The following PTPRD variants were observed in gnomAD, a reference collection of about 807,000 sequenced individuals.
PTPRD encodes protein tyrosine phosphatase receptor type D.
A neutral mutation model predicts 214.5 loss-of-function variants in PTPRD; 34 were observed. The ratio of observed to expected loss-of-function variants is 0.16; its 90% CI spans 0.12 to 0.21. PTPRD has a LOEUF of 0.21. PTPRD is among the 10% of genes least tolerant of loss of function. The probability of loss-of-function intolerance (pLI) is 1.00; values close to 1 mark genes in which losing one functional copy is unlikely to be tolerated. For missense variants in PTPRD, 2,545 were observed against 2,398.7 expected (o/e 1.06, Z -1.27); for synonymous variants, 1,128 against 845.7 (o/e 1.33, Z -5.79).
intron 3 of PTPRD, among the ~76,000 whole-genome samples, chr9:10,266,739 T>C (rs2094087889): frequency 6.6e-6 from 1 of 151,864 alleles, no homozygotes; most frequent in South Asian, 2.1e-4. Context: ...TGCAGGCTAA[T>C]TTTAGAAAAA....
At chr9:8,339,580 A>G (rs1242734327) in intron 42 of PTPRD, among the ~76,000 whole-genome samples, 1 of 152,090 alleles carries the variant, frequency 6.6e-6, no homozygotes, top group African/African-American at 2.4e-5. Context: ...TCATTGGCCA[A>G]ATCAGAGTAA....
chr9:8,321,487 G>GTGTGTGTGTATATATA (rs1168847469), intron 44 of PTPRD, among the ~76,000 whole-genome samples: 1 of 44,540 alleles, frequency 2.2e-5, no homozygotes, highest in Non-Finnish European at 3.9e-5. Flanking sequence ...GTGTGTGTGT[G>GTGTGTGTGTATATATA]TATATATATA....
At chr9:8,632,121 T>TTGTGTGTG (rs146691738) in intron 14 of PTPRD, among the ~76,000 whole-genome samples, 2,893 of 144,612 alleles carry the variant, frequency 0.02, 77 homozygotes, top group East Asian at 0.13. Context: ...AATTGCTTCT[T>TTGTGTGTG]TGTGTGTGTG....
chr9:10,610,479 C>A (rs1314065577), intron 2 of PTPRD, among the ~76,000 whole-genome samples: 1 of 151,476 alleles, frequency 6.6e-6, no homozygotes, highest in Non-Finnish European at 1.5e-5. Context: ...TACTTAGGTA[C>A]AATCTTCCCC....
At chr9:10,324,177 G>A (rs377615056) in intron 3 of PTPRD, among the ~76,000 whole-genome samples, 5 of 152,030 alleles carry the variant, frequency 3.3e-5, no homozygotes, top group African/African-American at 1.2e-4. Context: ...CTAAAGAGAG[G>A]GACTATAGCT....
chr9:10,032,414 C>A (rs1038429639), intron 4 of PTPRD, among the ~76,000 whole-genome samples: 3 of 152,124 alleles, frequency 2.0e-5, no homozygotes, highest in African/African-American at 4.8e-5. Flanking sequence ...CTATGGGACA[C>A]AAGTTATTCT....
chr9:9,101,768 A>G (rs914846719), intron 10 of PTPRD, among the ~76,000 whole-genome samples: 1 of 152,322 alleles, frequency 6.6e-6, no homozygotes, highest in South Asian at 2.1e-4. Context: ...CATGTATAGT[A>G]ATTGAGAATA....
At chr9:10,259,557 G>A (rs752249138) in intron 3 of PTPRD, among the ~76,000 whole-genome samples, 9 of 152,150 alleles carry the variant, frequency 5.9e-5, no homozygotes, top group Non-Finnish European at 1.2e-4. Flanking sequence ...AGTTCCTGAC[G>A]CAATATGAAC....
intron 8 of PTPRD, among the ~76,000 whole-genome samples, chr9:9,519,605 A>G (rs1186982237): frequency 6.6e-6 from 1 of 152,066 alleles, no homozygotes; most frequent in African/African-American, 2.4e-5. Flanking sequence ...CAACTCCTAG[A>G]ACACAAACCA....
At chr9:8,628,738 C>T (rs1380406591) in intron 14 of PTPRD, among the ~76,000 whole-genome samples, 12 of 151,752 alleles carry the variant, frequency 7.9e-5, no homozygotes, top group Admixed American at 7.2e-4. Flanking sequence ...GGGTACTTCA[C>T]GTATTATCTT....
chr9:8,823,581 G>T (rs2097115948), intron 11 of PTPRD, among the ~76,000 whole-genome samples: 1 of 152,076 alleles, frequency 6.6e-6, no homozygotes, highest in African/African-American at 2.4e-5. Context: ...GGCCAGGGAG[G>T]TCGAGACTGC....
At chr9:10,482,276 C>G (rs1189526976) in intron 2 of PTPRD, among the ~76,000 whole-genome samples, 1 of 151,872 alleles carries the variant, frequency 6.6e-6, no homozygotes, top group East Asian at 1.9e-4. Flanking sequence ...GAGGCTGAGG[C>G]AGGAGAATGG....
chr9:9,943,820 A>G (rs558065145), intron 4 of PTPRD, among the ~76,000 whole-genome samples: 2 of 152,234 alleles, frequency 1.3e-5, no homozygotes, highest in African/African-American at 4.8e-5. Context: ...TTTCAGGATT[A>G]AAGGATTCTT....
intron 8 of PTPRD, among the ~76,000 whole-genome samples, chr9:9,433,479 TC>T (rs1002590043): frequency 1.3e-5 from 2 of 152,218 alleles, no homozygotes; most frequent in Non-Finnish European, 2.9e-5. Flanking sequence ...AGGATTCTTC[TC>T]TTTTTATTTT....
At chr9:9,793,560 A>G (rs1337848650) in intron 5 of PTPRD, among the ~76,000 whole-genome samples, 2 of 152,150 alleles carry the variant, frequency 1.3e-5, no homozygotes, top group Non-Finnish European at 2.9e-5. Context: ...GCTGTTAAGA[A>G]AGATTATCTC....
intron 5 of PTPRD, among the ~76,000 whole-genome samples, chr9:9,789,813 A>G (rs1203072854): frequency 6.6e-6 from 1 of 151,232 alleles, no homozygotes; most frequent in African/African-American, 2.4e-5. Flanking sequence ...AAAAAAAAAA[A>G]AAAAAAAAAA....
intron 27 of PTPRD, 53 bp from the exon 28 acceptor site, chr9:8,486,402 T>A: frequency 6.8e-7 from 1 of 1,462,218 alleles, no homozygotes; most frequent in South Asian, 1.1e-5. Flanking sequence ...CGTTCACATT[T>A]CAGTCATTGC....
intron 2 of PTPRD, among the ~76,000 whole-genome samples, chr9:10,376,199 A>C (rs1383215381): frequency 2.0e-5 from 3 of 151,898 alleles, no homozygotes. Context: ...AAAATGAATG[A>C]AGTCATTTCT....
rs1589408245 is a variant in PTPRD, at chr9:8,395,159, GCAAA to G, written c.4211-5756_4211-5753del. ...TGTGTCAAAAAGAAATTGCTTTTTGGCAAACAAGTTTGTTCTTTGTTGTAAGACA... is the reference window on the plus strand; with the variant it reads ...TGTGTCAAAAAGAAATTGCTTTTTGGCAAGTTTGTTCTTTGTTGTAAGACA... On this transcript the variant is annotated intron_variant, in intron 36 of 45. Coordinates refer to ENST00000381196, the MANE Select transcript of PTPRD (RefSeq NM_002839.4). Among the ~76,000 whole-genome samples the G allele has an allele frequency of 4.6e-5, 7 of 152,162 alleles. No individual in the cohort carries two copies. The East Asian group carries it at 1.4e-3, about 29-fold the overall frequency.
Sources: allele counts gnomAD v4.1 joint callset (sites outside exome capture counted in the v4.1 genomes callset), GRCh38; gene constraint gnomAD v4.1.1; transcripts MANE v1.5; gene names NCBI Gene and HGNC (gene_info 2026-07-23, HGNC 2026-07-21).